STK33: variants seen among roughly 807,000 people sequenced by gnomAD.
STK33 encodes serine/threonine kinase 33.
STK33 carries 52 observed loss-of-function variants against 58.0 expected under a neutral mutation model. The observed-to-expected ratio is 0.90, with a 90% CI of 0.72 to 1.13. STK33 has a LOEUF of 1.13. Ranked by LOEUF, STK33 falls within the 50% of genes most tolerant of loss-of-function variation. The pLI, the probability that STK33 is intolerant of heterozygous loss-of-function variation, is 0.00. For synonymous variants in STK33, 215 were observed against 200.1 expected, an observed-to-expected ratio of 1.07 and a Z score of -0.63; for missense variants, 630 against 604.2, an observed-to-expected ratio of 1.04 and a Z score of -0.45.
intron 14 of STK33, among the ~76,000 whole-genome samples, chr11:8,428,268 C>A (rs1056007668): frequency 6.6e-6 from 1 of 152,216 alleles, no homozygotes. Flanking sequence ...CAGTGCTGCT[C>A]CGACTTTATT....
At chr11:8,400,025 A>G (rs1850103404) in intron 15 of STK33, among the ~76,000 whole-genome samples, 1 of 152,210 alleles carries the variant, frequency 6.6e-6, no homozygotes, top group Non-Finnish European at 1.5e-5. Context: ...TTCACAGCCA[A>G]ATTCTACCAG....
chr11:8,565,034 A>G (rs1054198676), intron 1 of STK33, among the ~76,000 whole-genome samples: 1 of 152,214 alleles, frequency 6.6e-6, no homozygotes, highest in Non-Finnish European at 1.5e-5. Context: ...AGGTTTGCCC[A>G]CTACTCTTCC....
At chr11:8,337,725 C>A in the STK33 span, among the ~76,000 whole-genome samples, 1 of 150,764 alleles carries the variant, frequency 6.6e-6, no homozygotes, top group Non-Finnish European at 1.5e-5. Flanking sequence ...CCCCCGCCCC[C>A]AGTCCTCACT....
intron 1 of STK33, among the ~76,000 whole-genome samples, chr11:8,494,828 A>C (rs552151640): frequency 2.0e-5 from 3 of 152,366 alleles, no homozygotes; most frequent in African/African-American, 4.8e-5. Flanking sequence ...AAACCTGACA[A>C]AAACAAGAAA....
intron 14 of STK33, among the ~76,000 whole-genome samples, chr11:8,419,911 T>C (rs1298650464): frequency 6.6e-6 from 1 of 152,178 alleles, no homozygotes; most frequent in African/African-American, 2.4e-5. Context: ...AAGCAAGTTA[T>C]TTTTCCCATT....
At position 8,490,834 on chromosome 11, in the gene STK33, C is replaced by T. The variant is rs578140194; in HGVS notation, c.-465-10220G>A. Among the ~76,000 whole-genome samples the T allele has an allele frequency of 7.9e-5, 12 of 152,286 alleles. No individual in the cohort carries two copies. In the South Asian group the frequency reaches 2.5e-3, roughly 32 times the overall value. ...AGACCTCCAGCAAACTCCAACACACCTGCAGCTAAGGGATCTGACTGTTAA... is the reference window on the plus strand; with the variant it reads ...AGACCTCCAGCAAACTCCAACACACTTGCAGCTAAGGGATCTGACTGTTAA... On this transcript the variant is annotated intron_variant, in intron 1 of 15. Coordinates refer to ENST00000687296, the MANE Select transcript of STK33 (RefSeq NM_001352389.2).
chr11:8,428,091 C>A (rs1425484908), intron 14 of STK33, among the ~76,000 whole-genome samples: 1 of 152,174 alleles, frequency 6.6e-6, no homozygotes, highest in Non-Finnish European at 1.5e-5. Context: ...TCACACTTAC[C>A]CACCTCCTCC....
intron 2 of STK33, among the ~76,000 whole-genome samples, chr11:8,479,486 C>T (rs1159896435): frequency 6.6e-6 from 1 of 151,112 alleles, no homozygotes; most frequent in Non-Finnish European, 1.5e-5. Flanking sequence ...GTGGATAAAC[C>T]AGGAAACCCT....
chr11:8,381,787 G>A, the STK33 span, among the ~76,000 whole-genome samples: 1 of 152,106 alleles, frequency 6.6e-6, no homozygotes, highest in African/African-American at 2.4e-5. Flanking sequence ...AAAAACTTTA[G>A]GTGAGTGTGG....
At chr11:8,413,004 T>C (rs974470759) in intron 15 of STK33, among the ~76,000 whole-genome samples, 1 of 152,262 alleles carries the variant, frequency 6.6e-6, no homozygotes, top group African/African-American at 2.4e-5. Context: ...AATAACTGAA[T>C]AATTATCATT....
Position 8,419,475 on chromosome 11 carries a change from G to C in STK33, c.1147-5783C>G, listed in dbSNP as rs111509817. 3.9e-5 allele frequency among the ~76,000 whole-genome samples: 6 copies of C among 152,206 alleles called. 1 individual carries two copies. In the East Asian group the frequency reaches 1.2e-3, roughly 29 times the overall value. ...CTTGTACCCATACCATGTTGTTTTG[G>C]TTACTGTAGCCCTGTAGTATAGTTT... On this transcript the variant is annotated intron_variant, in intron 14 of 15. Transcript: ENST00000687296.
chr11:8,409,026 T>G (rs376984974), intron 15 of STK33, among the ~76,000 whole-genome samples: 1 of 152,240 alleles, frequency 6.6e-6, no homozygotes. Flanking sequence ...TAAACCATAT[T>G]GTTTGCACAA....
the STK33 span, among the ~76,000 whole-genome samples, chr11:8,351,157 C>G: frequency 1.3e-5 from 2 of 152,144 alleles, no homozygotes; most frequent in African/African-American, 4.8e-5. Flanking sequence ...AACACCTCCC[C>G]CCGAAACCAA....
chr11:8,544,865 GT>G (rs1166805311), intron 1 of STK33, among the ~76,000 whole-genome samples: 1 of 152,112 alleles, frequency 6.6e-6, no homozygotes, highest in Admixed American at 6.6e-5. Flanking sequence ...AGAGACAAAT[GT>G]TTCTATGAGA....
intron 7 of STK33, 76 bp from the exon 8 acceptor site, chr11:8,461,985 G>T: frequency 8.6e-7 from 1 of 1,158,092 alleles, no homozygotes; most frequent in East Asian, 2.8e-5. Flanking sequence ...GTTATTTTAT[G>T]TTTTCCTACT....
chr11:8,474,894 A>G lies in STK33; in HGVS notation c.12T>C (p.Ser4=), dbSNP rs1395736754. MAD[S]GLDKKSTKCP... is the part of the protein sequence containing the mutation. Reference sequence around the variant, plus strand: ...ATTTTGTGGATTTTTTATCTAAGCCACTATCAGCCATTTGTTTAACTCTGC... The same window carrying G: ...ATTTTGTGGATTTTTTATCTAAGCCGCTATCAGCCATTTGTTTAACTCTGC... Residue 4 remains serine, a synonymous_variant, in exon 5 of 16, where the codon AGT becomes AGC. Transcript: ENST00000687296. 1 of 1,583,874 alleles carries G rather than the reference A, an allele frequency of 6.3e-7. No homozygotes were observed. The highest frequency in any genetic ancestry group is 8.6e-7 in the Non-Finnish European group (1 of 1,167,040).
intron 14 of STK33, among the ~76,000 whole-genome samples, chr11:8,426,312 C>T (rs928120199): frequency 6.6e-6 from 1 of 152,226 alleles, no homozygotes; most frequent in Non-Finnish European, 1.5e-5. Flanking sequence ...TGCAGGCCTG[C>T]TGGCCCTATG....
chr11:8,395,264 T>C (rs1411653215), intron 15 of STK33, among the ~76,000 whole-genome samples: 1 of 152,200 alleles, frequency 6.6e-6, no homozygotes, highest in Non-Finnish European at 1.5e-5. Flanking sequence ...GGGCAGGTTT[T>C]TCCTGTGCTG....
chr11:8,485,312 TG>T (rs1950125631), intron 1 of STK33, among the ~76,000 whole-genome samples: 1 of 152,194 alleles, frequency 6.6e-6, no homozygotes, highest in African/African-American at 2.4e-5. Flanking sequence ...CATGTATTAG[TG>T]ATAAAATTAT....
Sources: gnomAD v4.1 joint callset for allele counts (sites outside exome capture counted in the v4.1 genomes callset) on GRCh38, gnomAD v4.1.1 for gene constraint, MANE v1.5 for transcripts, NCBI Gene and HGNC (gene_info 2026-07-23, HGNC 2026-07-21) for gene names.